Variants in SAMD5 observed in about 807,000 individuals in gnomAD.
SAMD5 encodes sterile alpha motif domain-containing protein 5.
Under a neutral mutation model 11.3 loss-of-function variants are expected in SAMD5, and 13 were observed. The observed-to-expected ratio is 1.15, with a 90% confidence interval of 0.75 to 1.83. SAMD5 has a LOEUF of 1.83. Among genes scored for constraint, SAMD5 ranks in the 40% most tolerant of loss-of-function variants. The pLI is 0.00. For synonymous variants in SAMD5, 129 were observed against 111.3 expected, an observed-to-expected ratio of 1.16 and a Z score of -1.00; for missense variants, 255 against 239.1, an observed-to-expected ratio of 1.07 and a Z score of -0.44.
chr6:147,723,661 C>G (rs1791586124), intron 1 of SAMD5, among the ~76,000 whole-genome samples: 1 of 152,124 alleles, frequency 6.6e-6, no homozygotes, highest in Admixed American at 6.5e-5. Context: ...GTGATGCTAA[C>G]ACACACTCAG....
the SAMD5 span, among the ~76,000 whole-genome samples, chr6:147,852,725 A>G: frequency 1.3e-5 from 2 of 152,180 alleles, no homozygotes; most frequent in Non-Finnish European, 2.9e-5. Flanking sequence ...AGTGGTCACG[A>G]TGAGCAATGA....
chr6:147,714,785 CA>C (rs1476600740), intron 1 of SAMD5, among the ~76,000 whole-genome samples: 1 of 151,860 alleles, frequency 6.6e-6, no homozygotes, highest in Non-Finnish European at 1.5e-5. Flanking sequence ...GTAGGAATGC[CA>C]AAAAAACGAA....
At chr6:147,645,237 C>A (rs1373109846) in intron 1 of SAMD5, among the ~76,000 whole-genome samples, 1 of 152,172 alleles carries the variant, frequency 6.6e-6, no homozygotes, top group Non-Finnish European at 1.5e-5. Context: ...ACAATCGCCA[C>A]TTGGGGGTCA....
chr6:147,523,865 G>C (rs757123092), intron 1 of SAMD5, among the ~76,000 whole-genome samples: 4 of 152,052 alleles, frequency 2.6e-5, no homozygotes, highest in Non-Finnish European at 5.9e-5. Context: ...TTGCTGCCCG[G>C]GATCACACAA....
intron 1 of SAMD5, among the ~76,000 whole-genome samples, chr6:147,559,378 C>T (rs575695631): frequency 1.3e-5 from 2 of 152,140 alleles, no homozygotes; most frequent in Non-Finnish European, 2.9e-5. Context: ...GTTTTTTTAA[C>T]TCTGAATTTG....
the SAMD5 span, among the ~76,000 whole-genome samples, chr6:147,836,269 AT>A: frequency 6.6e-6 from 1 of 152,126 alleles, no homozygotes; most frequent in African/African-American, 2.4e-5. Context: ...TCCAAGTTCT[AT>A]TTATCTAGTG....
At chr6:147,639,527 C>T (rs930460945) in intron 1 of SAMD5, among the ~76,000 whole-genome samples, 5 of 152,180 alleles carry the variant, frequency 3.3e-5, no homozygotes, top group Admixed American at 6.5e-5. Flanking sequence ...CTCATCTCAG[C>T]GGGCTTCACT....
chr6:147,812,119 T>C, the SAMD5 span, among the ~76,000 whole-genome samples: 3 of 152,238 alleles, frequency 2.0e-5, no homozygotes, highest in South Asian at 6.2e-4. Flanking sequence ...CACTGATGAA[T>C]GGACTCAGCT....
the SAMD5 span, among the ~76,000 whole-genome samples, chr6:147,793,433 C>A: frequency 6.6e-6 from 1 of 151,930 alleles, no homozygotes; most frequent in Non-Finnish European, 1.5e-5. Flanking sequence ...TGGATGGAAT[C>A]CTGGAACAGC....
intron 1 of SAMD5, among the ~76,000 whole-genome samples, chr6:147,539,026 G>T (rs1181356013): frequency 6.6e-6 from 1 of 152,104 alleles, no homozygotes; most frequent in Non-Finnish European, 1.5e-5. Flanking sequence ...TTTGTAATTG[G>T]ATTACTGGCT....
chr6:147,618,606 C>T (rs150169537), intron 1 of SAMD5, among the ~76,000 whole-genome samples: 79 of 152,240 alleles, frequency 5.2e-4, no homozygotes, highest in African/African-American at 1.7e-3. Flanking sequence ...TCTGTGTAAC[C>T]GTGTTGTGAG....
intron 1 of SAMD5, among the ~76,000 whole-genome samples, chr6:147,562,561 G>A (rs998498576): frequency 2.0e-5 from 3 of 152,176 alleles, no homozygotes; most frequent in Non-Finnish European, 2.9e-5. Flanking sequence ...GGTGGCTCAC[G>A]CCTGTAATCC....
chr6:147,728,101 C>T (rs1324047307), intron 1 of SAMD5, among the ~76,000 whole-genome samples: 1 of 152,080 alleles, frequency 6.6e-6, no homozygotes, highest in Non-Finnish European at 1.5e-5. Context: ...AGGTCTAGTA[C>T]TGAGTATCCA....
intron 1 of SAMD5, among the ~76,000 whole-genome samples, chr6:147,610,675 C>A (rs1395594131): frequency 6.6e-6 from 1 of 152,150 alleles, no homozygotes; most frequent in African/African-American, 2.4e-5. Flanking sequence ...TGGCCTCAGT[C>A]TCACGAGGTT....
the SAMD5 span, among the ~76,000 whole-genome samples, chr6:147,905,115 C>T: frequency 1.3e-5 from 2 of 151,738 alleles, no homozygotes; most frequent in Non-Finnish European, 2.9e-5. Flanking sequence ...CTCGAACTCC[C>T]GACCTCAGGT....
At chr6:147,689,744 C>A (rs1389333188) in intron 1 of SAMD5, among the ~76,000 whole-genome samples, 1 of 152,106 alleles carries the variant, frequency 6.6e-6, no homozygotes, top group Non-Finnish European at 1.5e-5. Flanking sequence ...TGCTGCAGGC[C>A]TTTCTAGGAA....
chr6:147,887,665 T>C, the SAMD5 span, among the ~76,000 whole-genome samples: 1 of 152,234 alleles, frequency 6.6e-6, no homozygotes, highest in Non-Finnish European at 1.5e-5. Flanking sequence ...TATAGGCATA[T>C]GCTTTCATTT....
the SAMD5 span, among the ~76,000 whole-genome samples, chr6:147,942,627 C>T: frequency 0.67 from 101,398 of 151,850 alleles, 34,364 homozygotes; most frequent in Non-Finnish European, 0.73. Flanking sequence ...ATCTGTTCAT[C>T]CTTGGCTAAG....
At chr6:147,611,596 A>G (rs980767034) in intron 1 of SAMD5, among the ~76,000 whole-genome samples, 2 of 152,010 alleles carry the variant, frequency 1.3e-5, no homozygotes, top group African/African-American at 4.8e-5. Context: ...TAAATAAATC[A>G]CCGCAGAAAG....
Sources: allele counts gnomAD v4.1 joint callset (sites outside exome capture counted in the v4.1 genomes callset), GRCh38; gene constraint gnomAD v4.1.1; transcripts MANE v1.5; gene names NCBI Gene and HGNC (gene_info 2026-07-23, HGNC 2026-07-21).